The following WIPI1 variants were observed in gnomAD, a reference collection of about 807,000 sequenced individuals.
WIPI1 encodes WD repeat domain phosphoinositide-interacting protein 1.
A neutral mutation model predicts 55.3 loss-of-function variants in WIPI1; 45 were observed. The ratio of observed to expected loss-of-function variants is 0.81; its 90% CI spans 0.64 to 1.04. The LOEUF is 1.04. Ranked by LOEUF, WIPI1 falls within the 50% of genes least tolerant of loss-of-function variation. The pLI is 0.00. For missense variants in WIPI1, 445 were observed against 559.0 expected, an observed-to-expected ratio of 0.80 and a Z score of 2.06; for synonymous variants, 195 against 217.6, an observed-to-expected ratio of 0.90 and a Z score of 0.92.
chr17:68,425,914 C>T, intron 12 of WIPI1, 161 bp downstream of exon 12: 1 of 625,638 alleles, frequency 1.6e-6, no homozygotes, highest in South Asian at 2.0e-5. Flanking sequence ...ATTCGAAGCA[C>T]ACAGTACAAC....
chr17:68,422,762 G>T (rs937195877), intron 12 of WIPI1: 1 of 149,776 alleles, frequency 6.7e-6, no homozygotes, highest in African/African-American at 2.5e-5. Flanking sequence ...AAAAGGGAAG[G>T]TCAGTTTATA....
intron 4 of WIPI1, among the ~76,000 whole-genome samples, chr17:68,439,685 A>T (rs1466387120): frequency 1.3e-5 from 2 of 152,216 alleles, no homozygotes; most frequent in African/African-American, 4.8e-5. Flanking sequence ...AGGAATATTT[A>T]TCTGGTTAGA....
chr17:68,451,926 G>A (rs2084515349), intron 2 of WIPI1, among the ~76,000 whole-genome samples: 1 of 152,192 alleles, frequency 6.6e-6, no homozygotes, highest in South Asian at 2.1e-4. Context: ...AAGGCCCACA[G>A]GGAACAATGT....
chr17:68,448,218 G>A (rs1024913756), intron 3 of WIPI1: 4 of 152,216 alleles, frequency 2.6e-5, no homozygotes, highest in African/African-American at 7.2e-5. Context: ...TGGCAAGAGA[G>A]GCTGCAGCAG....
At chr17:68,435,155 C>T (rs549022476) in intron 6 of WIPI1, among the ~76,000 whole-genome samples, 2 of 149,850 alleles carry the variant, frequency 1.3e-5, no homozygotes, top group South Asian at 4.2e-4. Flanking sequence ...TGCAGTGAGC[C>T]GAGATTGCGC....
chr17:68,430,112 A>G lies in WIPI1; in HGVS notation c.849T>C (p.Phe283=), dbSNP rs2147814881. 6.2e-7 allele frequency: 1 copy of G among 1,614,130 alleles called. No homozygotes were observed. Among genetic ancestry groups the G allele is most frequent in the South Asian group, 1.1e-5 (1 of 91,086 alleles). ...TAGGGAGGTAGTTGGTAGCAGCCAT[A>G]AACATCTTTCCCATGTAGCCACTCC... is the stretch of plus-strand genomic sequence containing the variant. The part of the protein sequence containing the change: ...STWSGYMGKM[F]MAATNYLPTQ... The change falls in exon 9 of 13, where the codon TTT becomes TTC. Residue 283 remains phenylalanine, a synonymous_variant. Transcript: ENST00000262139.
At chr17:68,450,942 C>A in intron 2 of WIPI1, 45 bp from the exon 3 acceptor site, 1 of 1,576,806 alleles carries the variant, frequency 6.3e-7, no homozygotes, top group Non-Finnish European at 8.6e-7. Flanking sequence ...TGATCACTTC[C>A]AAGAAGGATT....
rs749620114 is a variant in WIPI1 at position 68,426,057 on chromosome 17, C to T, written c.1293+18G>A. 9 of 1,609,096 alleles carry T rather than the reference C, an allele frequency of 5.6e-6. No individual in the cohort carries two copies. The highest frequency in any genetic ancestry group is 2.7e-5 in the African/African-American group (2 of 74,840). On this transcript the variant is annotated intron_variant, in intron 12 of 12. Transcript: ENST00000262139. Reference sequence around the variant, plus strand: ...GCACACAGACTGAGCCGCCCAGTTACGGGTTCCTAATGCTCACAGGAGGAA... The same window carrying T: ...GCACACAGACTGAGCCGCCCAGTTATGGGTTCCTAATGCTCACAGGAGGAA...
At chr17:68,452,015 T>C (rs1169961586) in intron 2 of WIPI1, among the ~76,000 whole-genome samples, 2 of 152,188 alleles carry the variant, frequency 1.3e-5, no homozygotes, top group Admixed American at 1.3e-4. Context: ...GAGCCCAAAA[T>C]ATTATTTACT....
rs199649033 is a variant in WIPI1, at chr17:68,437,948, TAAAAAAAA to T, written c.431-1477_431-1470del. ...GATCACGCAAGAGAGACATCTCTCTTAAAAAAAAAAAAAAAAAAAAAAAAAGTGACTGG... is the reference window on the plus strand; with the variant it reads ...GATCACGCAAGAGAGACATCTCTCTTAAAAAAAAAAAAAAAAAGTGACTGG... On this transcript the variant is annotated intron_variant, in intron 4 of 12. Coordinates refer to ENST00000262139, the MANE Select transcript of WIPI1 (RefSeq NM_017983.7). Among the ~76,000 whole-genome samples the T allele has an allele frequency of 2.3e-3, 179 of 78,798 alleles. 2 individuals are homozygous for T. The highest frequency in any genetic ancestry group is 4.5e-3 in the South Asian group (8 of 1,790). The allele number at this position is 78,798 out of a possible 152,430, so 51.7% of individuals were successfully genotyped here.
At chr17:68,436,327 A>G (rs1435258765) in intron 5 of WIPI1, 55 bp downstream of exon 5, 6 of 1,541,316 alleles carry the variant, frequency 3.9e-6, no homozygotes, top group Admixed American at 1.7e-5. Flanking sequence ...ATCTCCTTCC[A>G]TGACCACACA....
intron 8 of WIPI1, among the ~76,000 whole-genome samples, chr17:68,430,437 T>C (rs2083458796): frequency 6.6e-6 from 1 of 152,222 alleles, no homozygotes; most frequent in African/African-American, 2.4e-5. Flanking sequence ...GCTTATCTGA[T>C]GACTAGTCTG....
At chr17:68,429,782 T>A (rs2083427709) in intron 9 of WIPI1, among the ~76,000 whole-genome samples, 1 of 152,094 alleles carries the variant, frequency 6.6e-6, no homozygotes, top group Non-Finnish European at 1.5e-5. Flanking sequence ...AGAGACGGGA[T>A]TTCACCACGT....
chr17:68,443,191 G>A (rs1467843650), intron 4 of WIPI1, among the ~76,000 whole-genome samples: 2 of 152,032 alleles, frequency 1.3e-5, no homozygotes, highest in Admixed American at 6.5e-5. Flanking sequence ...GCTCACTGAA[G>A]CCTCCGCCTC....
At position 68,421,680 on chromosome 17, in the gene WIPI1, C is replaced by T; in HGVS notation, c.*93G>A. The T allele has an allele frequency of 6.4e-7, 1 of 1,571,800 alleles. No homozygotes were observed. Among genetic ancestry groups the T allele is most frequent in the Non-Finnish European group, 8.8e-7 (1 of 1,142,760 alleles). On this transcript the variant is annotated 3_prime_UTR_variant, in exon 13 of 13. Transcript: ENST00000262139. ...CCCGGGATTCCTGCCCCCCTTTCTG[C>T]TCACACAATTGCACTCCATTCTTCC...
At chr17:68,436,607 C>T (rs2083801649) in intron 4 of WIPI1, 128 bp from the exon 5 acceptor site, 1 of 759,428 alleles carries the variant, frequency 1.3e-6, no homozygotes, top group Admixed American at 2.7e-5. Flanking sequence ...GCTTTGCAGA[C>T]AACTGCTTTC....
At chr17:68,421,904 G>A (rs545550619) in intron 12 of WIPI1, 84 bp from the exon 13 acceptor site, 6 of 1,558,238 alleles carry the variant, frequency 3.9e-6, no homozygotes. Context: ...CTGTGCCCAT[G>A]CAGAGTGAGC....
intron 4 of WIPI1, among the ~76,000 whole-genome samples, chr17:68,439,517 G>C (rs78949113): frequency 6.6e-6 from 1 of 152,084 alleles, no homozygotes; most frequent in Non-Finnish European, 1.5e-5. Flanking sequence ...ACAAGGTTTG[G>C]GGCGATGAAA....
At chr17:68,454,446 C>T (rs1174759069) in intron 1 of WIPI1, among the ~76,000 whole-genome samples, 1 of 152,190 alleles carries the variant, frequency 6.6e-6, no homozygotes, top group Non-Finnish European at 1.5e-5. Flanking sequence ...ATTTGTTCTT[C>T]CCTGGGACAC....
Sources: allele counts gnomAD v4.1 joint callset (sites outside exome capture counted in the v4.1 genomes callset), GRCh38; gene constraint gnomAD v4.1.1; transcripts MANE v1.5; gene names NCBI Gene and HGNC (gene_info 2026-07-23, HGNC 2026-07-21).